The following FRY variants were observed in gnomAD, a reference collection of about 807,000 sequenced individuals.
The protein encoded by FRY is FRY microtubule binding protein.
FRY carries 128 observed loss-of-function variants against 348.4 expected under a neutral mutation model. That is an observed-to-expected ratio of 0.37 (90% CI 0.32 to 0.43). The LOEUF (loss-of-function observed/expected upper bound fraction) is 0.43, where lower values mean the gene tolerates loss of function less well. Among genes scored for constraint, FRY ranks in the 20% least tolerant of loss-of-function variants. The pLI, the probability that FRY is intolerant of heterozygous loss-of-function variation, is 1.00. For missense variants in FRY, 2,736 were observed against 3,695.2 expected, an observed-to-expected ratio of 0.74 and a Z score of 6.73; for synonymous variants, 1,370 against 1,374.7, an observed-to-expected ratio of 1.00 and a Z score of 0.08.
chr13:32,280,884 A>G (rs899924376), intron 58 of FRY, among the ~76,000 whole-genome samples: 1 of 152,052 alleles, frequency 6.6e-6, no homozygotes, highest in Admixed American at 6.5e-5. Flanking sequence ...TAAAATACGT[A>G]TTTCTGTTGT....
At chr13:32,228,696 C>G (rs771914953) in intron 40 of FRY, 42 bp downstream of exon 40, 2 of 1,567,352 alleles carry the variant, frequency 1.3e-6, no homozygotes, top group Non-Finnish European at 1.8e-6. Context: ...GCAGGTTGGT[C>G]TTTCGGAAAA....
intron 28 of FRY, among the ~76,000 whole-genome samples, chr13:32,193,571 T>A (rs1418905242): frequency 1.3e-5 from 2 of 149,164 alleles, no homozygotes; most frequent in South Asian, 2.1e-4. Flanking sequence ...GCAAAAAAAA[T>A]TGCCAATAAA....
chr13:32,124,944 AG>A, intron 7 of FRY, 69 bp downstream of exon 7: 1 of 1,172,698 alleles, frequency 8.5e-7, no homozygotes, highest in Non-Finnish European at 1.3e-6. Flanking sequence ...GCCCTAATTT[AG>A]GGAAGTTGGG....
At chr13:32,155,426 T>G in intron 14 of FRY, 65 bp from the exon 15 acceptor site, 1 of 1,153,248 alleles carries the variant, frequency 8.7e-7, no homozygotes, top group Non-Finnish European at 1.3e-6. Context: ...CTGAAAGACT[T>G]ATGGATGTAT....
chr13:32,261,841 A>G, intron 52 of FRY, 25 bp downstream of exon 52: 1 of 1,600,104 alleles, frequency 6.2e-7, no homozygotes, highest in Non-Finnish European at 8.6e-7. Context: ...TCCCACTCTA[A>G]GAATTGGGAG....
Position 32,208,993 on chromosome 13 carries a change from G to A in FRY, c.4159G>A (p.Glu1387Lys), listed in dbSNP as rs373797787. 32 of 1,614,160 alleles carry A rather than the reference G, an allele frequency of 2.0e-5. No homozygotes were observed. Among genetic ancestry groups the A allele is most frequent in the South Asian group, 1.5e-4 (14 of 91,076 alleles). The change falls in exon 32 of 61, where the codon GAA becomes AAA. Residue 1387 changes from glutamate to lysine, a missense_variant. Glu to Lys is a moderately conservative substitution (Grantham distance 56, BLOSUM62 1). Coordinates refer to ENST00000542859, the MANE Select transcript of FRY (RefSeq NM_023037.3). Reference protein sequence around the residue: ...PGSSPSSPEDEVKDREGDVTA... With the variant: ...PGSSPSSPEDKVKDREGDVTA... ...GTCGAGCCCCAGCAGCCCAGAGGAC[G>A]AAGTCAAGGACCGGGAAGGTGACGT...
rs909126239 is a variant in FRY at position 32,218,783 on chromosome 13, G to C, written c.4717G>C (p.Glu1573Gln). Residue 1573 changes from glutamate (E) to glutamine (Q), a missense_variant, in exon 36 of 61, where the codon GAG becomes CAG. By Grantham distance (29) the Glu-to-Gln change is conservative (BLOSUM62 2). This residue lies in a region of FRY where 794 missense variants were observed against 977.0 expected (regional missense o/e 0.81). Coordinates refer to ENST00000542859, the MANE Select transcript of FRY (RefSeq NM_023037.3). ...SNVIRAHTRL[E>Q]SRYSNSSGGS... is the part of the protein sequence containing the mutation. ...TGTCATCAGAGCCCACACTCGCCTC[G>C]AGTCAAGATACAGCAATAGCTCTGG... The C allele has an allele frequency of 1.2e-6, 2 of 1,607,114 alleles. No homozygotes were observed. Among genetic ancestry groups the C allele is most frequent in the African/African-American group, 1.3e-5 (1 of 74,542 alleles).
intron 2 of FRY, among the ~76,000 whole-genome samples, chr13:32,085,560 G>A (rs1875801857): frequency 6.6e-6 from 1 of 152,146 alleles, no homozygotes; most frequent in Admixed American, 6.5e-5. Flanking sequence ...CAAAATGGAA[G>A]TAACAGTACC....
intron 1 of FRY, among the ~76,000 whole-genome samples, chr13:32,051,160 T>G (rs183855777): frequency 6.9e-4 from 105 of 152,334 alleles, no homozygotes; most frequent in African/African-American, 2.5e-3. Flanking sequence ...AGCTCAAAAT[T>G]ATTTTATCCC....
At chr13:32,145,481 G>A (rs1444507176) in intron 11 of FRY, among the ~76,000 whole-genome samples, 1 of 150,104 alleles carries the variant, frequency 6.7e-6, no homozygotes, top group Non-Finnish European at 1.5e-5. Flanking sequence ...GAGGAATGAA[G>A]TGTCCACAGA....
At chr13:32,088,442 T>C (rs947989980) in intron 2 of FRY, among the ~76,000 whole-genome samples, 1 of 152,230 alleles carries the variant, frequency 6.6e-6, no homozygotes, top group Admixed American at 6.5e-5. Flanking sequence ...AAATAATCTA[T>C]AAAGACATTC....
chr13:32,212,184 A>G, intron 34 of FRY, 108 bp from the exon 35 acceptor site: 1 of 715,906 alleles, frequency 1.4e-6, no homozygotes, highest in Non-Finnish European at 2.5e-6. Flanking sequence ...AAAATCTTCC[A>G]AACATAAGAA....
intron 11 of FRY, among the ~76,000 whole-genome samples, chr13:32,140,112 C>T (rs1408086422): frequency 6.7e-6 from 1 of 150,052 alleles, no homozygotes; most frequent in Non-Finnish European, 1.5e-5. Context: ...AGAAAAGAAA[C>T]CTCAAAGGTT....
At chr13:32,214,457 T>A (rs1452749317) in intron 35 of FRY, among the ~76,000 whole-genome samples, 1 of 152,092 alleles carries the variant, frequency 6.6e-6, no homozygotes, top group Non-Finnish European at 1.5e-5. Flanking sequence ...GTGATTTTAT[T>A]TATTTTTTTT....
intron 1 of FRY, among the ~76,000 whole-genome samples, chr13:32,046,594 G>T (rs75033622): frequency 0.015 from 2,214 of 152,248 alleles, 51 homozygotes; most frequent in African/African-American, 0.051. Flanking sequence ...ACTGAATCCT[G>T]CTGCAGAGGA....
At chr13:32,280,551 A>G (rs1213660060) in intron 58 of FRY, among the ~76,000 whole-genome samples, 1 of 152,236 alleles carries the variant, frequency 6.6e-6, no homozygotes, top group African/African-American at 2.4e-5. Context: ...TGCTGTTAAG[A>G]CAAATGCAGT....
rs368178915 is a variant in FRY, at chr13:32,225,744, G to A, written c.5021-45G>A. 6.0e-4 allele frequency: 823 copies of A among 1,362,578 alleles called. 2 individuals are homozygous for A. The highest frequency in any genetic ancestry group is 8.1e-4 in the Non-Finnish European group (772 of 950,556). The allele number at this position is 1,362,578 out of a possible 1,614,324, so 84.4% of individuals were successfully genotyped here. A position where few individuals can be genotyped will look rare whatever the true frequency, so the allele number is the denominator to read the frequency against. ...TCTTTACTATCCCTGGAATCTAAAC[G>A]AGCTTAACGTTTGTTTATACTTAGA... On this transcript the variant is annotated intron_variant, in intron 38 of 60. Coordinates refer to ENST00000542859, the MANE Select transcript of FRY (RefSeq NM_023037.3).
chr13:32,072,202 A>G (rs1874704811), intron 1 of FRY, among the ~76,000 whole-genome samples: 1 of 152,238 alleles, frequency 6.6e-6, no homozygotes, highest in Non-Finnish European at 1.5e-5. Flanking sequence ...GGAGGAATGT[A>G]TATAATCCAT....
chr13:32,144,224 A>C lies in FRY; in HGVS notation c.1180-3058A>C, dbSNP rs190539062. Reference sequence around the variant, plus strand: ...GCAAAAAAAAACCAAAACAAACAAAAAAAAAAACTTCTACATAAATGTGTG... The same window carrying C: ...GCAAAAAAAAACCAAAACAAACAAACAAAAAAACTTCTACATAAATGTGTG... On this transcript the variant is annotated intron_variant, in intron 11 of 60. Coordinates refer to ENST00000542859, the MANE Select transcript of FRY (RefSeq NM_023037.3). Among the ~76,000 whole-genome samples, 389 of 151,928 alleles carry C rather than the reference A, an allele frequency of 2.6e-3. 2 individuals carry two copies. The highest frequency in any genetic ancestry group is 4.9e-3 in the African/African-American group (204 of 41,368).
Sources: gnomAD v4.1 joint callset for allele counts (sites outside exome capture counted in the v4.1 genomes callset) on GRCh38, gnomAD v4.1.1 for gene constraint, gnomAD v4.1.1 regional missense constraint, MANE v1.5 for transcripts, NCBI Gene and HGNC (gene_info 2026-07-23, HGNC 2026-07-21) for gene names.